The following FANCI variants were observed in gnomAD, a reference collection of about 807,000 sequenced individuals.
FANCI encodes the protein FA complementation group I, also known as Fanconi anemia group I protein.
A neutral mutation model predicts 176.1 loss-of-function variants in FANCI; 156 were observed. The observed-to-expected ratio is 0.89, with a 90% CI of 0.78 to 1.01. The LOEUF is 1.01. Among genes scored for constraint, FANCI ranks in the 50% least tolerant of loss-of-function variants. The pLI is 0.00. For missense variants in FANCI, 1,678 were observed against 1,534.1 expected, an observed-to-expected ratio of 1.09 and a Z score of -1.57; for synonymous variants, 613 against 541.7, an observed-to-expected ratio of 1.13 and a Z score of -1.83.
chr15:89,273,656 T>C (rs1363680786), intron 11 of FANCI, among the ~76,000 whole-genome samples, 187 bp downstream of exon 11: 1 of 152,162 alleles, frequency 6.6e-6, no homozygotes, highest in Non-Finnish European at 1.5e-5. Flanking sequence ...TGGAAAACTT[T>C]TACAGGTTTT....
intron 15 of FANCI, 94 bp from the exon 16 acceptor site, chr15:89,281,671 C>A: frequency 8.8e-7 from 1 of 1,142,226 alleles, no homozygotes; most frequent in Non-Finnish European, 1.3e-6. Context: ...AAGTAAGCTT[C>A]CTTATAGAAG....
intron 7 of FANCI, 92 bp downstream of exon 7, chr15:89,263,552 C>A: frequency 9.2e-7 from 1 of 1,081,848 alleles, no homozygotes; most frequent in Non-Finnish European, 1.4e-6. Flanking sequence ...ACATCACTCT[C>A]TCCTGATTGT....
intron 13 of FANCI, among the ~76,000 whole-genome samples, chr15:89,277,797 G>A (rs558910559): frequency 3.2e-4 from 48 of 152,146 alleles, no homozygotes; most frequent in African/African-American, 1.1e-3. Context: ...CATATCTGAG[G>A]TTAAACAACT....
rs533236219 is a variant in FANCI, at chr15:89,248,460, A to G, written c.84+729A>G. Reference sequence around the variant, plus strand: ...TGTTAATGTTGTAGTTATTGAAGGAAGGTGCATCTTAGTGTGTGTTATCTG... The same window carrying G: ...TGTTAATGTTGTAGTTATTGAAGGAGGGTGCATCTTAGTGTGTGTTATCTG... On this transcript the variant is annotated intron_variant, in intron 2 of 37. Coordinates refer to ENST00000310775, the MANE Select transcript of FANCI (RefSeq NM_001113378.2). Among the ~76,000 whole-genome samples, 4 of 152,310 alleles carry G rather than the reference A, an allele frequency of 2.6e-5. No individual in the cohort carries two copies. The East Asian group carries it at 5.8e-4, about 22-fold the overall frequency.
In FANCI at chr15:89,288,501, G is replaced by T. The variant is rs549770495; in HGVS notation, c.1822-1712G>T. 1.4e-3 allele frequency among the ~76,000 whole-genome samples: 218 copies of T among 151,616 alleles called. 1 individual carries two copies. The highest frequency in any genetic ancestry group is 4.7e-3 in the African/African-American group (196 of 41,346). ...TGTAGTGATAAAACTTGTCATATTT[G>T]TTGCAAGTGTATGCCAGATTGCCAT... On this transcript the variant is annotated intron_variant, in intron 18 of 37. Coordinates refer to ENST00000310775, the MANE Select transcript of FANCI (RefSeq NM_001113378.2).
chr15:89,297,906 A>G (rs2054370025), intron 24 of FANCI, among the ~76,000 whole-genome samples: 1 of 151,860 alleles, frequency 6.6e-6, no homozygotes, highest in African/African-American at 2.4e-5. Context: ...TTGCTTTGAT[A>G]TGGATTGTTA....
At position 89,263,980 on chromosome 15, in the gene FANCI, A is replaced by C; in HGVS notation, c.623A>C (p.Gln208Pro). The C allele has an allele frequency of 1.2e-6, 2 of 1,614,114 alleles. No homozygotes were observed. Among genetic ancestry groups the C allele is most frequent in the Non-Finnish European group, 1.7e-6 (2 of 1,179,956 alleles). Residue 208 changes from glutamine (Q) to proline (P), a missense_variant, in exon 8 of 38, where the codon CAA (glutamine) becomes CCA (proline). This residue lies in a region of FANCI where 469 missense variants were observed against 436.9 expected (regional missense o/e 1.07). Transcript: ENST00000310775. Reference protein sequence around the residue: ...ALSMFSKMNLQEIPPLVYQLL... With the variant: ...ALSMFSKMNLPEIPPLVYQLL... ...AGCATGTTCTCCAAGATGAATCTTC[A>C]AGAAATACCACCTTTGGTCTATCAG... is the stretch of plus-strand genomic sequence containing the variant.
intron 2 of FANCI, among the ~76,000 whole-genome samples, chr15:89,250,618 A>G (rs1216891421): frequency 1.3e-5 from 2 of 151,830 alleles, no homozygotes; most frequent in African/African-American, 4.8e-5. Context: ...TGGGTGCAGC[A>G]CACCAACATG....
chr15:89,275,628 C>T (rs138060983), intron 12 of FANCI, among the ~76,000 whole-genome samples: 3 of 152,176 alleles, frequency 2.0e-5, no homozygotes, highest in African/African-American at 7.2e-5. Flanking sequence ...GCTTTTTAAT[C>T]TTTGTATCTC....
chr15:89,258,570 A>C, intron 2 of FANCI, 134 bp from the exon 3 acceptor site: 1 of 760,282 alleles, frequency 1.3e-6, no homozygotes, highest in African/African-American at 1.7e-5. Context: ...CTGTCTAAAA[A>C]TTATGGTGTT....
intron 18 of FANCI, among the ~76,000 whole-genome samples, chr15:89,286,839 T>C (rs919555751): frequency 6.6e-6 from 1 of 152,166 alleles, no homozygotes; most frequent in Admixed American, 6.5e-5. Context: ...CCAGATAAAG[T>C]CTTCTTCCAA....
Position 89,314,661 on chromosome 15 carries a change from TA to T in FANCI, c.3771del (p.Ile1257MetfsTer17). On this transcript the variant is annotated frameshift_variant, in exon 36 of 38. Transcript: ENST00000310775. LOFTEE classifies it high-confidence loss of function. ...CCAATCCCTAACCTCATCTTTGCCA[TA>T]GAACAGTATGAAAAATTTCTCATCC... Reference protein sequence around the residue: ...TKPIPNLIFAIEQYEKFLIHL... With the variant: ...TKPIPNLIFAXEQYEKFLIHL... 6.2e-7 allele frequency: 1 copy of T among 1,614,172 alleles called. No homozygotes were observed. Among genetic ancestry groups the T allele is most frequent in the South Asian group, 1.1e-5 (1 of 91,080 alleles).
intron 2 of FANCI, among the ~76,000 whole-genome samples, chr15:89,254,955 G>T (rs766011012): frequency 6.6e-6 from 1 of 152,124 alleles, no homozygotes; most frequent in African/African-American, 2.4e-5. Context: ...TAAATCCAGG[G>T]GGACTTTAAA....
At chr15:89,296,280 T>A (rs556290954) in intron 24 of FANCI, among the ~76,000 whole-genome samples, 15 of 128,084 alleles carry the variant, frequency 1.2e-4, no homozygotes, top group South Asian at 2.6e-4. Context: ...TTTTTTTTTT[T>A]AATTTTCTGT....
intron 32 of FANCI, 91 bp from the exon 33 acceptor site, chr15:89,307,385 G>T: frequency 1.6e-6 from 2 of 1,281,628 alleles, no homozygotes; most frequent in East Asian, 2.5e-5. Context: ...TCTTCAGTCA[G>T]AATGATGAGT....
In FANCI at chr15:89,258,726, A is replaced by C; in HGVS notation, c.107A>C (p.Gln36Pro). ...CAGTTGACTAATCTCCTTCAGAATC[A>C]AGCAGTGAAAGGAAAAGTTGCTGGA... ...EGDLTNLLQN[Q>P]AVKGKVAGAL... is the part of the protein sequence containing the mutation. The change falls in exon 3 of 38, where the codon CAA (glutamine) becomes CCA (proline). Residue 36 changes from glutamine (Q) to proline (P), a missense_variant. This residue lies in a region of FANCI where 469 missense variants were observed against 436.9 expected (regional missense o/e 1.07). Transcript: ENST00000310775. The C allele has an allele frequency of 6.2e-7, 1 of 1,613,672 alleles. No homozygotes were observed. The highest frequency in any genetic ancestry group is 2.2e-5 in the East Asian group (1 of 44,864).
intron 34 of FANCI, among the ~76,000 whole-genome samples, chr15:89,312,592 G>A (rs147133244): frequency 4.6e-5 from 7 of 152,080 alleles, no homozygotes; most frequent in African/African-American, 1.4e-4. Flanking sequence ...GGCTGAGGCC[G>A]GCAGATCACC....
intron 30 of FANCI, 72 bp from the exon 31 acceptor site, chr15:89,305,533 A>G: frequency 7.5e-6 from 12 of 1,596,638 alleles, no homozygotes; most frequent in Non-Finnish European, 1.0e-5. Flanking sequence ...GTAGGTGGCC[A>G]GGTGACCACA....
chr15:89,300,240 A>G, intron 25 of FANCI, 60 bp from the exon 26 acceptor site: 1 of 1,530,540 alleles, frequency 6.5e-7, no homozygotes. Context: ...TTTAGCTATT[A>G]AAAGGCCAAA....
Sources: allele counts gnomAD v4.1 joint callset (sites outside exome capture counted in the v4.1 genomes callset), GRCh38; gene constraint gnomAD v4.1.1; regional missense constraint gnomAD v4.1.1; transcripts MANE v1.5; gene names NCBI Gene and HGNC (gene_info 2026-07-23, HGNC 2026-07-21).